Variants in TOGARAM1 observed in about 807,000 individuals in gnomAD.
TOGARAM1 encodes TOG array regulator of axonemal microtubules protein 1.
In TOGARAM1, 100 loss-of-function variants were observed where a neutral mutation model predicts 166.6. The ratio of observed to expected loss-of-function variants is 0.60; its 90% CI spans 0.51 to 0.71. TOGARAM1 has a LOEUF of 0.71. TOGARAM1 is among the 30% of genes least tolerant of loss of function. The pLI is 0.00. For synonymous variants in TOGARAM1, 758 were observed against 763.8 expected (o/e 0.99, Z 0.13); for missense variants, 2,029 against 2,102.7 (o/e 0.96, Z 0.69).
chr14:45,011,130 AG>A (rs1418039548), intron 6 of TOGARAM1, among the ~76,000 whole-genome samples: 1 of 152,180 alleles, frequency 6.6e-6, no homozygotes, highest in Admixed American at 6.5e-5. Flanking sequence ...TAATGAAAAA[AG>A]GCCTATAGGT....
chr14:44,982,487 G>A (rs2138761120), intron 1 of TOGARAM1, among the ~76,000 whole-genome samples: 1 of 152,238 alleles, frequency 6.6e-6, no homozygotes, highest in East Asian at 1.9e-4. Context: ...AATCATAGTA[G>A]TCAGTAACCT....
At chr14:45,039,466 C>T (rs1460622299) in intron 11 of TOGARAM1, among the ~76,000 whole-genome samples, 2 of 152,140 alleles carry the variant, frequency 1.3e-5, no homozygotes, top group Admixed American at 6.5e-5. Context: ...AACCTGCTGT[C>T]CATAGTGCCC....
intron 11 of TOGARAM1, among the ~76,000 whole-genome samples, chr14:45,036,672 C>T (rs1336783731): frequency 6.6e-6 from 1 of 152,198 alleles, no homozygotes; most frequent in East Asian, 1.9e-4. Context: ...TAAGTTAACT[C>T]AGCTCTTTGC....
At chr14:45,032,195 A>G (rs535499579) in intron 10 of TOGARAM1, 28 bp from the exon 11 acceptor site, 2 of 1,584,020 alleles carry the variant, frequency 1.3e-6, no homozygotes, top group Admixed American at 2.0e-5. Flanking sequence ...AGGTTCTCTC[A>G]TAGTTTATTT....
chr14:45,006,574 CCCTT>C, intron 5 of TOGARAM1: 1 of 174,272 alleles, frequency 5.7e-6, no homozygotes, highest in Non-Finnish European at 1.2e-5. Flanking sequence ...CATGTACTGA[CCCTT>C]CCAGTGAACA....
chr14:44,975,466 T>C (rs763422551), intron 1 of TOGARAM1, among the ~76,000 whole-genome samples: 3 of 152,116 alleles, frequency 2.0e-5, no homozygotes, highest in Non-Finnish European at 4.4e-5. Flanking sequence ...TCCCCTTTTT[T>C]TGTTTGTTTG....
At chr14:45,053,332 C>T (rs990742416) in intron 15 of TOGARAM1, among the ~76,000 whole-genome samples, 14 of 152,078 alleles carry the variant, frequency 9.2e-5, no homozygotes, top group Admixed American at 3.9e-4. Flanking sequence ...AGAGCCAATG[C>T]GCCCAGCCAT....
rs757252205 is a variant in TOGARAM1 at position 44,999,438 on chromosome 14, C to T, written c.2279C>T (p.Thr760Ile). ...GGATTTTCACAAATATGTGGTAAAACTGGCAGTGTGGGTTCTGACTTACAA... is the reference window on the plus strand; with the variant it reads ...GGATTTTCACAAATATGTGGTAAAATTGGCAGTGTGGGTTCTGACTTACAA... ...QLGFSQICGK[T>I]GSVGSDLQFL... Residue 760 changes from threonine (T) to isoleucine (I), a missense_variant, in exon 3 of 20, where the codon ACT (threonine) becomes ATT (isoleucine). By Grantham distance (89) the Thr-to-Ile change is moderately conservative. Coordinates refer to ENST00000361462, the MANE Select transcript of TOGARAM1 (RefSeq NM_001308120.2). The T allele has an allele frequency of 6.2e-7, 1 of 1,612,170 alleles. No homozygotes were observed. Among genetic ancestry groups the T allele is most frequent in the Non-Finnish European group, 8.5e-7 (1 of 1,178,886 alleles).
chr14:44,972,929 G>T (rs1485129908), intron 1 of TOGARAM1, among the ~76,000 whole-genome samples: 1 of 152,016 alleles, frequency 6.6e-6, no homozygotes, highest in Non-Finnish European at 1.5e-5. Context: ...GAAAAAAATT[G>T]GTTTTGTTAT....
chr14:45,054,629 C>A, intron 16 of TOGARAM1, 80 bp downstream of exon 16: 1 of 1,049,924 alleles, frequency 9.5e-7, no homozygotes, highest in South Asian at 1.7e-5. Flanking sequence ...CATAAACTAC[C>A]CCAGGGGTAT....
intron 16 of TOGARAM1, among the ~76,000 whole-genome samples, chr14:45,057,011 A>T (rs1215297579): frequency 6.6e-6 from 1 of 152,026 alleles, no homozygotes; most frequent in Non-Finnish European, 1.5e-5. Context: ...CTGTGAACCC[A>T]TCTTGTCCTG....
chr14:45,073,247 G>T, intron 19 of TOGARAM1, 49 bp from the exon 20 acceptor site: 1 of 1,535,286 alleles, frequency 6.5e-7, no homozygotes, highest in Non-Finnish European at 8.8e-7. Context: ...GCAGAGCTTG[G>T]GCTTATTTAT....
chr14:44,964,753 A>G (rs1885418884), intron 1 of TOGARAM1, among the ~76,000 whole-genome samples: 1 of 152,154 alleles, frequency 6.6e-6, no homozygotes. Context: ...TCTCATTCAT[A>G]CAACAAACAT....
At chr14:44,966,715 A>T (rs1250007044) in intron 1 of TOGARAM1, among the ~76,000 whole-genome samples, 1 of 151,992 alleles carries the variant, frequency 6.6e-6, no homozygotes, top group Non-Finnish European at 1.5e-5. Context: ...TATTTCCTTA[A>T]CATAACATTT....
At chr14:45,046,515 TCTGTTTTA>T (rs1253835524) in intron 13 of TOGARAM1, 22 bp from the exon 14 acceptor site, 39 of 1,268,104 alleles carry the variant, frequency 3.1e-5, no homozygotes, top group Non-Finnish European at 3.9e-5. Flanking sequence ...ATATAACAAC[TCTGTTTTA>T]ATTGATCATG....
At chr14:45,037,884 C>T (rs1437605279) in intron 11 of TOGARAM1, among the ~76,000 whole-genome samples, 5 of 151,268 alleles carry the variant, frequency 3.3e-5, no homozygotes, top group East Asian at 2.0e-4. Context: ...AAAAATGAGC[C>T]GGGCATGCCT....
At chr14:44,997,624 T>A (rs1887486201) in intron 2 of TOGARAM1, among the ~76,000 whole-genome samples, 1 of 152,000 alleles carries the variant, frequency 6.6e-6, no homozygotes. Flanking sequence ...TCATTGACCA[T>A]AACATTTAGA....
intron 3 of TOGARAM1, among the ~76,000 whole-genome samples, chr14:45,002,593 C>T (rs1483850957): frequency 2.0e-5 from 3 of 152,100 alleles, no homozygotes; most frequent in African/African-American, 7.2e-5. Context: ...TGATCCACAC[C>T]AGGTGTTGGA....
chr14:45,032,549 T>C (rs1173296860), intron 11 of TOGARAM1, among the ~76,000 whole-genome samples, 173 bp downstream of exon 11: 1 of 152,242 alleles, frequency 6.6e-6, no homozygotes, highest in Non-Finnish European at 1.5e-5. Context: ...CTGGCCCTAA[T>C]AGTACTTTAT....
Sources: gnomAD v4.1 joint callset for allele counts (sites outside exome capture counted in the v4.1 genomes callset) on GRCh38, gnomAD v4.1.1 for gene constraint, MANE v1.5 for transcripts, NCBI Gene and HGNC (gene_info 2026-07-23, HGNC 2026-07-21) for gene names.